TSC22D4: variants seen among roughly 807,000 people sequenced by gnomAD.
The protein encoded by TSC22D4 is TSC22 domain family protein 4.
A neutral mutation model predicts 24.9 loss-of-function variants in TSC22D4; 5 were observed. The ratio of observed to expected loss-of-function variants is 0.20; its 90% CI spans 0.10 to 0.42. The LOEUF (loss-of-function observed/expected upper bound fraction) is 0.42, where lower values mean the gene tolerates loss of function less well. Ranked by LOEUF, TSC22D4 falls within the 10% of genes least tolerant of loss-of-function variation. The pLI is 1.00. For missense variants in TSC22D4, 469 were observed against 547.9 expected, an observed-to-expected ratio of 0.86 and a Z score of 1.44; for synonymous variants, 245 against 243.2, an observed-to-expected ratio of 1.01 and a Z score of -0.07.
chr7:100,476,139 G>A (rs757887391), intron 2 of TSC22D4, among the ~76,000 whole-genome samples: 1 of 151,546 alleles, frequency 6.6e-6, no homozygotes, highest in Admixed American at 6.6e-5. Context: ...AGGCCAAGGG[G>A]GTTTGCTTTG....
intron 3 of TSC22D4, among the ~76,000 whole-genome samples, chr7:100,470,643 G>A (rs1799374183): frequency 1.3e-5 from 2 of 152,122 alleles, no homozygotes; most frequent in African/African-American, 4.8e-5. Context: ...CAAGGGACCA[G>A]GGCTCTGGCA....
At chr7:100,476,409 T>TC (rs1289827575) in intron 2 of TSC22D4, among the ~76,000 whole-genome samples, 1 of 151,966 alleles carries the variant, frequency 6.6e-6, no homozygotes, top group African/African-American at 2.4e-5. Context: ...ATCCTCACAC[T>TC]CCCTGCCTTT....
rs375700826 is a variant in TSC22D4 at position 100,466,975 on chromosome 7, T to A, written c.1172A>T (p.Asn391Ile). The change falls in exon 5 of 5, where the codon AAT (asparagine) becomes ATT (isoleucine). Residue 391 changes from asparagine to isoleucine, a missense_variant. Physicochemically the swap from Asn to Ile is moderately radical, Grantham distance 149. Transcript: ENST00000300181. Reference sequence around the variant, plus strand: ...AAGGGAGGCTCAGACGGAGGGCCCATTGGGCGCAGGGGGCCCAAGCCGTGG... The same window carrying A: ...AAGGGAGGCTCAGACGGAGGGCCCAATGGGCGCAGGGGGCCCAAGCCGTGG... ...GVPRLGPPAP[N>I]GPSV The A allele has an allele frequency of 1.1e-5, 17 of 1,577,112 alleles. No homozygotes were observed. In the African/African-American group the frequency reaches 2.3e-4, roughly 21 times the overall value.
At chr7:100,470,087 G>A (rs1799365102) in intron 3 of TSC22D4, among the ~76,000 whole-genome samples, 1 of 152,122 alleles carries the variant, frequency 6.6e-6, no homozygotes, top group Admixed American at 6.6e-5. Context: ...ACACCTGGGT[G>A]GAGATGGAGC....
chr7:100,475,759 A>C (rs900336925), intron 2 of TSC22D4, among the ~76,000 whole-genome samples: 2 of 151,460 alleles, frequency 1.3e-5, no homozygotes, highest in Non-Finnish European at 2.9e-5. Flanking sequence ...GGGCAGCAGC[A>C]AAAAGGGCGG....
Position 100,477,863 on chromosome 7 carries a change from C to CG in TSC22D4, c.175dup (p.Arg59ProfsTer39). 1.3e-6 allele frequency: 2 copies of CG among 1,574,270 alleles called. No individual in the cohort carries two copies. Among genetic ancestry groups the CG allele is most frequent in the South Asian group, 2.3e-5 (2 of 88,364 alleles). ...GGCCCCAGGTGGTGGGGAGCCATTC[C>CG]GGGGGGTGCCCTTGCCCCCCGGATC... On this transcript the variant is annotated frameshift_variant, in exon 2 of 5. Coordinates refer to ENST00000300181, the MANE Select transcript of TSC22D4 (RefSeq NM_030935.5). LOFTEE classifies it high-confidence loss of function. The surrounding 1 kb of genome is among the most constrained non-coding windows in gnomAD (Gnocchi z 7.8).
Position 100,477,895 on chromosome 7 carries a change from G to C in TSC22D4, c.144C>G (p.Pro48=). The change falls in exon 2 of 5, where the codon CCC becomes CCG. Residue 48 remains proline, a synonymous_variant. Transcript: ENST00000300181. This position sits in a 1 kb window ranked among gnomAD's most constrained non-coding sequence, Gnocchi z 7.8. ...GPPPRLPNGE[P]SPDPGGKGTP... is the part of the protein sequence containing the mutation. ...TGCCCTTGCCCCCCGGATCGGGGCT[G>C]GGCTCCCCATTGGGCAGGCGGGGCG... 6.4e-7 allele frequency: 1 copy of C among 1,571,046 alleles called. No individual in the cohort carries two copies. The highest frequency in any genetic ancestry group is 8.6e-7 in the Non-Finnish European group (1 of 1,159,530).
chr7:100,467,166 G>A lies in TSC22D4; in HGVS notation c.981C>T (p.Asp327=), dbSNP rs1011342849. 6.2e-7 allele frequency: 1 copy of A among 1,614,122 alleles called. No individual in the cohort carries two copies. ...CAAACATGAGGTGGGACTTCACCAAGTCCTGGGGGCCCCGGGACAGGCACA... is the reference window on the plus strand; with the variant it reads ...CAAACATGAGGTGGGACTTCACCAAATCCTGGGGGCCCCGGGACAGGCACA... ...GIDNKIEQAM[D]LVKSHLMFAV... is the part of the protein sequence containing the mutation. The change falls in exon 5 of 5, where the codon GAC becomes GAT. Residue 327 remains aspartate (D), a splice_region_variant and synonymous_variant. Coordinates refer to ENST00000300181, the MANE Select transcript of TSC22D4 (RefSeq NM_030935.5).
At position 100,467,079 on chromosome 7, in the gene TSC22D4, A is replaced by G. The variant is rs780744335; in HGVS notation, c.1068T>C (p.Ala356=). The G allele has an allele frequency of 2.5e-6, 4 of 1,614,102 alleles. No homozygotes were observed. The highest frequency in any genetic ancestry group is 3.4e-6 in the Non-Finnish European group (4 of 1,180,020). ...EQIRELAERN[A]ALEQENGLLR... ...GCAGCCCATTCTCCTGCTCCAGCGC[A>G]GCGTTCCGCTCCGCCAATTCCCGGA... The change falls in exon 5 of 5, where the codon GCT becomes GCC. Residue 356 remains alanine (A), a synonymous_variant. Transcript: ENST00000300181.
intron 4 of TSC22D4, 70 bp from the exon 5 acceptor site, chr7:100,467,238 C>G (rs769811803): frequency 6.6e-6 from 10 of 1,517,168 alleles, no homozygotes; most frequent in African/African-American, 1.4e-5. Context: ...GCCTTGAGGG[C>G]TGGGGTGGGA....
Position 100,478,220 on chromosome 7 carries a change from A to C in TSC22D4, c.-182T>G. On this transcript the variant is annotated 5_prime_UTR_variant, in exon 2 of 5. Coordinates refer to ENST00000300181, the MANE Select transcript of TSC22D4 (RefSeq NM_030935.5). Reference sequence around the variant, plus strand: ...GGGGTGCCTGCTGGGTGAGGGGAGAAGAGGAGAGGGGAGGTGGCGGGAGGG... The same window carrying C: ...GGGGTGCCTGCTGGGTGAGGGGAGACGAGGAGAGGGGAGGTGGCGGGAGGG... The C allele has an allele frequency of 4.2e-6, 1 of 238,282 alleles. No individual in the cohort carries two copies. The highest frequency in any genetic ancestry group is 5.7e-5 in the Admixed American group (1 of 17,418). 14.8% of individuals were successfully genotyped at this position (238,282 alleles called of 1,614,324 possible).
chr7:100,474,435 G>C lies in TSC22D4; in HGVS notation c.768C>G (p.Pro256=). 6.2e-7 allele frequency: 1 copy of C among 1,613,954 alleles called. No homozygotes were observed. The highest frequency in any genetic ancestry group is 8.5e-7 in the Non-Finnish European group (1 of 1,179,982). Reference sequence around the variant, plus strand: ...GGGAGCTGGGGCGAGAGTCAAGTGGGGGCACCTGGAGGCGGAGAGGTAGGA... The same window carrying C: ...GGGAGCTGGGGCGAGAGTCAAGTGGCGGCACCTGGAGGCGGAGAGGTAGGA... ...LGAPEEMGQV[P]PLDSRPSSPA... is the part of the protein sequence containing the mutation. The change falls in exon 3 of 5, where the codon CCC becomes CCG. Residue 256 remains proline, a synonymous_variant. Transcript: ENST00000300181. This position sits in a 1 kb window ranked among gnomAD's most constrained non-coding sequence, Gnocchi z 4.3.
At chr7:100,467,626 G>A (rs774055513) in intron 3 of TSC22D4, 26 bp from the exon 4 acceptor site, 16 of 1,612,860 alleles carry the variant, frequency 9.9e-6, no homozygotes, top group Non-Finnish European at 1.4e-5. Flanking sequence ...AAGGTGAGGG[G>A]AGGAGAGGAG....
At chr7:100,478,350 AGTGT>A (rs35439211) in intron 1 of TSC22D4, 43 bp from the exon 2 acceptor site, 3,772 of 83,386 alleles carry the variant, frequency 0.045, 114 homozygotes, top group Non-Finnish European at 0.053. Flanking sequence ...AGAGAGAGAG[AGTGT>A]GTGTGTGTGT....
rs752799920 is a variant in TSC22D4, at chr7:100,477,574, G to A, written c.465C>T (p.Pro155=). 71 of 1,584,982 alleles carry A rather than the reference G, an allele frequency of 4.5e-5. No individual in the cohort carries two copies. The highest frequency in any genetic ancestry group is 5.8e-5 in the Non-Finnish European group (68 of 1,166,448). Residue 155 remains proline, a synonymous_variant, in exon 2 of 5, where the codon CCC becomes CCT. Coordinates refer to ENST00000300181, the MANE Select transcript of TSC22D4 (RefSeq NM_030935.5). This position sits in a 1 kb window ranked among gnomAD's most constrained non-coding sequence, Gnocchi z 7.8. The part of the protein sequence containing the change: ...SQGPTSWLRP[P]PTSPGPQARS... Reference sequence around the variant, plus strand: ...GGGCCTGAGGTCCAGGAGAGGTGGGGGGTGGACGGAGCCAGGAGGTGGGGC... The same window carrying A: ...GGGCCTGAGGTCCAGGAGAGGTGGGAGGTGGACGGAGCCAGGAGGTGGGGC...
chr7:100,468,218 T>G, intron 3 of TSC22D4: 1 of 283,776 alleles, frequency 3.5e-6, no homozygotes, highest in Non-Finnish European at 7.0e-6. Context: ...AGTGCCAGTG[T>G]CCCCTTCTCA....
In TSC22D4 at chr7:100,474,350, C is replaced by G; in HGVS notation, c.853G>C (p.Ala285Pro). 1.9e-6 allele frequency: 3 copies of G among 1,614,120 alleles called. No homozygotes were observed. Among genetic ancestry groups the G allele is most frequent in the Non-Finnish European group, 2.5e-6 (3 of 1,180,018 alleles). Residue 285 changes from alanine (A) to proline (P), a missense_variant, in exon 3 of 5, where the codon GCA (alanine) becomes CCA (proline). Physicochemically the swap from Ala to Pro is conservative, Grantham distance 27. Coordinates refer to ENST00000300181, the MANE Select transcript of TSC22D4 (RefSeq NM_030935.5). This position sits in a 1 kb window ranked among gnomAD's most constrained non-coding sequence, Gnocchi z 4.3. The part of the protein sequence containing the change: ...LVHKSPDPFG[A>P]VAAQKFSLAH... ...AGGCTGAACTTCTGAGCTGCTACTGCTCCGAAGGGGTCTGGAGATTTGTGA... is the reference window on the plus strand; with the variant it reads ...AGGCTGAACTTCTGAGCTGCTACTGGTCCGAAGGGGTCTGGAGATTTGTGA...
At chr7:100,476,239 G>T (rs932641814) in intron 2 of TSC22D4, among the ~76,000 whole-genome samples, 6 of 150,158 alleles carry the variant, frequency 4.0e-5, no homozygotes, top group Non-Finnish European at 7.4e-5. Context: ...AGTTGGGGGA[G>T]GGGGGGTAGG....
intron 3 of TSC22D4, 198 bp from the exon 4 acceptor site, chr7:100,467,798 A>C: frequency 1.4e-6 from 1 of 697,284 alleles, no homozygotes; most frequent in Non-Finnish European, 2.7e-6. Context: ...GGGGGCCCAG[A>C]TGTCCCTCGG....
Sources: gnomAD v4.1 joint callset for allele counts (sites outside exome capture counted in the v4.1 genomes callset) on GRCh38, gnomAD v4.1.1 for gene constraint, Gnocchi (gnomAD v3.1) non-coding constraint, MANE v1.5 for transcripts, NCBI Gene and HGNC (gene_info 2026-07-23, HGNC 2026-07-21) for gene names.